Variants in CRTC3 observed in about 807,000 individuals in gnomAD.
The protein encoded by CRTC3 is CREB-regulated transcription coactivator 3.
In CRTC3, 26 loss-of-function variants were observed where a neutral mutation model predicts 74.5. The observed-to-expected ratio is 0.35, with a 90% CI of 0.26 to 0.48. CRTC3 has a LOEUF of 0.48. Ranked by LOEUF, CRTC3 falls within the 20% of genes least tolerant of loss-of-function variation. The probability of loss-of-function intolerance (pLI) is 0.99; values close to 1 mark genes in which losing one functional copy is unlikely to be tolerated. For synonymous variants in CRTC3, 377 were observed against 325.8 expected (o/e 1.16, Z -1.69); for missense variants, 760 against 787.3 (o/e 0.97, Z 0.41).
At chr15:90,581,146 G>C (rs1464851800) in intron 2 of CRTC3, among the ~76,000 whole-genome samples, 1 of 152,160 alleles carries the variant, frequency 6.6e-6, no homozygotes, top group African/African-American at 2.4e-5. Context: ...CCTTTGGTGA[G>C]GATGCTGTCT....
At chr15:90,598,550 C>T in intron 3 of CRTC3, 1 of 701,838 alleles carries the variant, frequency 1.4e-6, no homozygotes, top group South Asian at 1.5e-5. Flanking sequence ...AGAGAGAGAA[C>T]ACACTGGGAT....
At chr15:90,541,782 C>CTTTTTTTTTTTTTTTTTTTTTTTTTTTT (rs11426969) in intron 2 of CRTC3, among the ~76,000 whole-genome samples, 1 of 120,100 alleles carries the variant, frequency 8.3e-6, no homozygotes, top group Non-Finnish European at 1.7e-5. Flanking sequence ...TCCCAGGATT[C>CTTTTTTTTTTTTTTTTTTTTTTTTTTTT]TTTTTTTCTT....
At chr15:90,634,605 G>C in intron 11 of CRTC3, 1 of 454,364 alleles carries the variant, frequency 2.2e-6, no homozygotes, top group Non-Finnish European at 4.0e-6. Flanking sequence ...CACGGCAGAT[G>C]GTTTCCTCAG....
At chr15:90,608,472 C>G (rs913723255) in intron 6 of CRTC3, among the ~76,000 whole-genome samples, 1 of 152,136 alleles carries the variant, frequency 6.6e-6, no homozygotes, top group Non-Finnish European at 1.5e-5. Context: ...CACTCCTGGC[C>G]AGCACCCTCT....
intron 11 of CRTC3, 70 bp downstream of exon 11, chr15:90,629,602 T>C: frequency 1.3e-6 from 2 of 1,507,564 alleles, no homozygotes; most frequent in Non-Finnish European, 1.8e-6. Context: ...GCATTCCTCC[T>C]CTTTACTATT....
chr15:90,555,049 C>T (rs934883830), intron 2 of CRTC3, among the ~76,000 whole-genome samples: 8 of 152,126 alleles, frequency 5.3e-5, no homozygotes, highest in Middle Eastern at 3.4e-3. Context: ...TTGGGATATG[C>T]GGGTGGGGGA....
chr15:90,533,465 G>A (rs544324298), intron 1 of CRTC3, among the ~76,000 whole-genome samples: 2 of 151,534 alleles, frequency 1.3e-5, no homozygotes, highest in African/African-American at 4.8e-5. Context: ...AGGTATGCCT[G>A]GGAAGAGGCT....
chr15:90,642,642 C>G lies in CRTC3; in HGVS notation c.*502C>G, dbSNP rs561131593. 9 of 240,800 alleles carry G rather than the reference C, an allele frequency of 3.7e-5. No homozygotes were observed. The South Asian group carries it at 9.2e-4, about 25-fold the overall frequency. The allele number at this position is 240,800 out of a possible 1,614,324, so 14.9% of individuals were successfully genotyped here. ...GAGGCCCTCCAGCGGGGGACATTCC[C>G]AGGCTGAGTGGACCCCACGGCTCTC... On this transcript the variant is annotated 3_prime_UTR_variant, in exon 15 of 15. Transcript: ENST00000268184.
chr15:90,574,365 C>T (rs566010891), intron 2 of CRTC3, among the ~76,000 whole-genome samples: 20 of 152,168 alleles, frequency 1.3e-4, no homozygotes, highest in African/African-American at 4.1e-4. Flanking sequence ...GTAGTCCCAG[C>T]TACTCAGGAG....
At chr15:90,553,643 A>G (rs1042417473) in intron 2 of CRTC3, among the ~76,000 whole-genome samples, 29 of 152,324 alleles carry the variant, frequency 1.9e-4, no homozygotes, top group African/African-American at 5.3e-4. Context: ...TGAGAACTTG[A>G]GCAAGAGAAC....
chr15:90,534,442 G>T (rs1966684024), intron 1 of CRTC3, among the ~76,000 whole-genome samples: 1 of 152,156 alleles, frequency 6.6e-6, no homozygotes, highest in East Asian at 1.9e-4. Context: ...TTGTTATGTA[G>T]CCACAGAAGT....
At chr15:90,607,322 T>C in intron 5 of CRTC3, 56 bp from the exon 6 acceptor site, 1 of 995,374 alleles carries the variant, frequency 1.0e-6, no homozygotes, top group Non-Finnish European at 1.6e-6. Flanking sequence ...CAAAGACTAT[T>C]GCATTTTCAC....
chr15:90,581,686 A>T (rs1967544801), intron 2 of CRTC3, among the ~76,000 whole-genome samples: 2 of 152,206 alleles, frequency 1.3e-5, no homozygotes, highest in Admixed American at 6.5e-5. Context: ...ACTCATCACC[A>T]GATTCAATAT....
At chr15:90,634,542 T>A (rs754711738) in intron 11 of CRTC3, among the ~76,000 whole-genome samples, 7 of 152,244 alleles carry the variant, frequency 4.6e-5, no homozygotes, top group Non-Finnish European at 8.8e-5. Flanking sequence ...CAACTACTTC[T>A]TCCTGCACAC....
chr15:90,632,621 T>C (rs181076506), intron 11 of CRTC3, among the ~76,000 whole-genome samples: 1 of 152,298 alleles, frequency 6.6e-6, no homozygotes, highest in Non-Finnish European at 1.5e-5. Flanking sequence ...TATTATTATT[T>C]TGAGACAGAG....
chr15:90,563,947 A>G (rs1473556509), intron 2 of CRTC3, among the ~76,000 whole-genome samples: 4 of 152,154 alleles, frequency 2.6e-5, no homozygotes, highest in Non-Finnish European at 4.4e-5. Context: ...CACTTCTATC[A>G]TGACCACTGC....
At chr15:90,603,324 T>C (rs1968132011) in intron 4 of CRTC3, among the ~76,000 whole-genome samples, 1 of 149,944 alleles carries the variant, frequency 6.7e-6, no homozygotes, top group Admixed American at 6.7e-5. Flanking sequence ...GCGCCTGTAG[T>C]CCCAGCTACT....
At chr15:90,609,622 T>A (rs1179135360) in intron 6 of CRTC3, among the ~76,000 whole-genome samples, 2 of 152,196 alleles carry the variant, frequency 1.3e-5, no homozygotes, top group African/African-American at 4.8e-5. Context: ...AAGTGAGGAT[T>A]TTTTGAGGCT....
At chr15:90,558,107 G>A (rs1002235033) in intron 2 of CRTC3, among the ~76,000 whole-genome samples, 10 of 152,038 alleles carry the variant, frequency 6.6e-5, no homozygotes, top group African/African-American at 2.2e-4. Context: ...CCAGTTACTT[G>A]TGCCAAAACC....
Sources: allele counts gnomAD v4.1 joint callset (sites outside exome capture counted in the v4.1 genomes callset), GRCh38; gene constraint gnomAD v4.1.1; transcripts MANE v1.5; gene names NCBI Gene and HGNC (gene_info 2026-07-23, HGNC 2026-07-21).